The following CCDC158 variants were observed in gnomAD, a reference collection of about 807,000 sequenced individuals.
The protein encoded by CCDC158 is coiled-coil domain-containing protein 158.
In CCDC158, 116 loss-of-function variants were observed where a neutral mutation model predicts 138.6. That is an observed-to-expected ratio of 0.84 (90% CI 0.72 to 0.98). The LOEUF (loss-of-function observed/expected upper bound fraction) is 0.98, where lower values mean the gene tolerates loss of function less well. Among genes scored for constraint, CCDC158 ranks in the 50% least tolerant of loss-of-function variants. The pLI, the probability that CCDC158 is intolerant of heterozygous loss-of-function variation, is 0.00. For synonymous variants in CCDC158, 436 were observed against 442.4 expected (o/e 0.99, Z 0.18); for missense variants, 1,265 against 1,306.1 (o/e 0.97, Z 0.48).
intron 7 of CCDC158, among the ~76,000 whole-genome samples, 180 bp from the exon 8 acceptor site, chr4:76,382,900 G>T (rs763658036): frequency 3.9e-5 from 6 of 152,074 alleles, no homozygotes; most frequent in Non-Finnish European, 8.8e-5. Flanking sequence ...CAAATCTTTT[G>T]GGAGTCAGAT....
chr4:76,420,758 G>A (rs1730054449), intron 1 of CCDC158, among the ~76,000 whole-genome samples: 1 of 152,162 alleles, frequency 6.6e-6, no homozygotes, highest in East Asian at 1.9e-4. Flanking sequence ...CCAGGTTTCA[G>A]CGCCACCGTC....
chr4:76,317,407 A>C (rs75540313), intron 24 of CCDC158, among the ~76,000 whole-genome samples: 4,024 of 152,290 alleles, frequency 0.026, 176 homozygotes, highest in African/African-American at 0.092. Context: ...ATAGTGATAA[A>C]GGATCAGTCC....
chr4:76,340,930 G>C (rs1175933570), intron 18 of CCDC158, among the ~76,000 whole-genome samples: 1 of 152,130 alleles, frequency 6.6e-6, no homozygotes, highest in Non-Finnish European at 1.5e-5. Flanking sequence ...GACACATTAA[G>C]GCTATTTCTA....
At chr4:76,359,906 T>G (rs2870228) in intron 13 of CCDC158, among the ~76,000 whole-genome samples, 130,755 of 152,300 alleles carry the variant, frequency 0.86, 56,419 homozygotes, top group South Asian at 0.97. Flanking sequence ...TGTTCATAGC[T>G]AAGACAATGG....
intron 15 of CCDC158, among the ~76,000 whole-genome samples, chr4:76,353,862 C>G (rs114612307): frequency 6.6e-6 from 1 of 151,966 alleles, no homozygotes; most frequent in African/African-American, 2.4e-5. Context: ...TCCAAAAAAG[C>G]GCCATGGAAT....
At chr4:76,392,460 T>C (rs1338682249) in intron 4 of CCDC158, among the ~76,000 whole-genome samples, 1 of 151,106 alleles carries the variant, frequency 6.6e-6, no homozygotes, top group Non-Finnish European at 1.5e-5. Context: ...GGGTATAGAA[T>C]AGAAAATAAT....
At chr4:76,374,225 T>C (rs1406754541) in intron 9 of CCDC158, among the ~76,000 whole-genome samples, 2 of 152,138 alleles carry the variant, frequency 1.3e-5, no homozygotes, top group Non-Finnish European at 1.5e-5. Flanking sequence ...AAAAGTCCCA[T>C]AAAAATTCAA....
intron 24 of CCDC158, among the ~76,000 whole-genome samples, chr4:76,316,199 G>T (rs1020874747): frequency 6.6e-6 from 1 of 152,060 alleles, no homozygotes; most frequent in African/African-American, 2.4e-5. Context: ...CCAACTTAAA[G>T]AAATCTAAGA....
At chr4:76,391,822 AAAAAAGGATACATT>A (rs1238636694) in intron 4 of CCDC158, among the ~76,000 whole-genome samples, 1 of 143,476 alleles carries the variant, frequency 7.0e-6, no homozygotes, top group African/African-American at 3.0e-5. Flanking sequence ...ATCAGAGACA[AAAAAAGGATACATT>A]ACAACTGATA....
At chr4:76,323,827 T>C (rs1230288636) in intron 23 of CCDC158, among the ~76,000 whole-genome samples, 1 of 152,218 alleles carries the variant, frequency 6.6e-6, no homozygotes, top group Non-Finnish European at 1.5e-5. Context: ...TCAAGGTATG[T>C]GAGGCCAGTG....
chr4:76,329,494 G>C (rs187861649), intron 21 of CCDC158, among the ~76,000 whole-genome samples: 246 of 152,270 alleles, frequency 1.6e-3, no homozygotes, highest in African/African-American at 5.7e-3. Context: ...TGAGGCAGGA[G>C]AATGGCGTGA....
chr4:76,345,310 A>C (rs878906170), intron 18 of CCDC158: 2 of 1,080,152 alleles, frequency 1.9e-6, no homozygotes, highest in Non-Finnish European at 1.4e-6. Flanking sequence ...TTATACAGAC[A>C]CACCAAAGCC....
chr4:76,357,550 T>C (rs1244842373), intron 13 of CCDC158, 24 bp from the exon 14 acceptor site: 4 of 1,408,416 alleles, frequency 2.8e-6, no homozygotes, highest in South Asian at 1.6e-5. Context: ...TAATCAATAA[T>C]AGATGGTTAC....
chr4:76,328,812 G>A (rs1720755755), intron 22 of CCDC158, 88 bp downstream of exon 22: 1 of 1,000,266 alleles, frequency 1.0e-6, no homozygotes, highest in South Asian at 1.3e-5. Context: ...AAAGGACTTG[G>A]AAGATACTGC....
intron 2 of CCDC158, among the ~76,000 whole-genome samples, chr4:76,409,606 C>T (rs996721702): frequency 2.6e-5 from 4 of 151,874 alleles, no homozygotes; most frequent in African/African-American, 9.7e-5. Context: ...CTGAGGCAGG[C>T]GGATCATGCG....
At chr4:76,416,062 C>T (rs947200567) in intron 1 of CCDC158, among the ~76,000 whole-genome samples, 1 of 152,194 alleles carries the variant, frequency 6.6e-6, no homozygotes, top group Non-Finnish European at 1.5e-5. Flanking sequence ...CTGGCTCTGC[C>T]TTTTAGATAG....
At chr4:76,351,303 T>TA (rs55740614) in intron 17 of CCDC158, among the ~76,000 whole-genome samples, 182 bp from the exon 18 acceptor site, 69 of 150,112 alleles carry the variant, frequency 4.6e-4, no homozygotes, top group Admixed American at 9.3e-4. Context: ...ATGTACGATT[T>TA]AAAAAAAAAA....
At chr4:76,376,221 C>A (rs1199166191) in intron 9 of CCDC158, among the ~76,000 whole-genome samples, 1 of 152,036 alleles carries the variant, frequency 6.6e-6, no homozygotes, top group Non-Finnish European at 1.5e-5. Flanking sequence ...GCCCAGCTAA[C>A]TTTTTATTTT....
chr4:76,336,367 A>T (rs534245244), intron 18 of CCDC158, among the ~76,000 whole-genome samples: 7 of 152,048 alleles, frequency 4.6e-5, no homozygotes, highest in Non-Finnish European at 7.4e-5. Context: ...TTTGATCATC[A>T]TTGTCTTTAT....
Sources: allele counts gnomAD v4.1 joint callset (sites outside exome capture counted in the v4.1 genomes callset), GRCh38; gene constraint gnomAD v4.1.1; transcripts MANE v1.5; gene names NCBI Gene and HGNC (gene_info 2026-07-23, HGNC 2026-07-21).